MAP4K4: variants seen among roughly 807,000 people sequenced by gnomAD.
MAP4K4 encodes the protein HPK/GCK-like kinase HGK.
In MAP4K4, 38 loss-of-function variants were observed where a neutral mutation model predicts 189.6. That is an observed-to-expected ratio of 0.20 (90% CI 0.15 to 0.26). The LOEUF (loss-of-function observed/expected upper bound fraction) is 0.26, where lower values mean the gene tolerates loss of function less well. MAP4K4 is among the 10% of genes least tolerant of loss of function. The probability of loss-of-function intolerance (pLI) is 1.00; values close to 1 mark genes in which losing one functional copy is unlikely to be tolerated. For missense variants in MAP4K4, 1,054 were observed against 1,726.9 expected, an observed-to-expected ratio of 0.61 and a Z score of 6.91; for synonymous variants, 610 against 624.3, an observed-to-expected ratio of 0.98 and a Z score of 0.34.
chr2:101,744,405 C>G (rs2064231943), intron 2 of MAP4K4, among the ~76,000 whole-genome samples: 1 of 152,200 alleles, frequency 6.6e-6, no homozygotes, highest in Non-Finnish European at 1.5e-5. Flanking sequence ...TGCCCACTAG[C>G]CACATGTGGC....
chr2:101,825,437 A>G lies in MAP4K4; in HGVS notation c.417+8A>G, dbSNP rs780533321. ...TCCAGAGAAATCCTGAGGGTAAGGA[A>G]AGTGGGTGGCTACAGTGCTCCAACT... On this transcript the variant is annotated splice_region_variant and intron_variant, in intron 5 of 32. Coordinates refer to ENST00000324219, the Ensembl canonical transcript of MAP4K4. 1.1e-5 allele frequency: 18 copies of G among 1,590,574 alleles called. No homozygotes were observed. Among genetic ancestry groups the G allele is most frequent in the Middle Eastern group, 1.7e-4 (1 of 6,018 alleles).
intron 32 of MAP4K4, among the ~76,000 whole-genome samples, chr2:101,890,555 C>T (rs980478876): frequency 2.0e-5 from 3 of 152,100 alleles, no homozygotes; most frequent in African/African-American, 7.2e-5. Flanking sequence ...CTCCTGGGTG[C>T]AAGCAATTCT....
rs192439067 is a variant in MAP4K4, at chr2:101,852,208, C to T, written c.1234-3769C>T. ...TAATTAAATCTCAAGACTTCGTGCT[C>T]TTACTTGGTGATCTTGAAAAGATTG... On this transcript the variant is annotated intron_variant, in intron 12 of 32. Coordinates refer to ENST00000324219, the Ensembl canonical transcript of MAP4K4. 2.0e-5 allele frequency among the ~76,000 whole-genome samples: 3 copies of T among 151,614 alleles called. No homozygotes were observed. The East Asian group carries it at 5.8e-4, about 29-fold the overall frequency.
At position 101,839,960 on chromosome 2, in the gene MAP4K4, T is replaced by C. The variant is rs1297737145; in HGVS notation, c.915T>C (p.His305=). The C allele has an allele frequency of 1.1e-5, 17 of 1,609,556 alleles. No individual in the cohort carries two copies. The Middle Eastern group carries it at 6.6e-4, about 63-fold the overall frequency. Residue 305 remains histidine (H), a synonymous_variant, in exon 10 of 33, where the codon CAT becomes CAC. Coordinates refer to ENST00000324219, the Ensembl canonical transcript of MAP4K4. ...AAGTTAGAATCCAGCTTAAGGATCA[T>C]ATAGATCGTACCAGGAAGAAGAGAG... is the stretch of plus-strand genomic sequence containing the variant.
chr2:101,892,443 A>G lies in MAP4K4; in HGVS notation c.*1194A>G, dbSNP rs138018624. On this transcript the variant is annotated 3_prime_UTR_variant, in exon 33 of 33. Transcript: ENST00000324219. ...ATGCTTTGTTTTTACCAGATTCACC[A>G]TTAGAGGTTGATGGGGCAACTGCAG... The G allele has an allele frequency of 1.7e-3, 277 of 164,486 alleles. 2 individuals are homozygous for G. Among genetic ancestry groups the G allele is most frequent in the East Asian group, 0.011 (62 of 5,794 alleles). 10.2% of individuals were successfully genotyped at this position (164,486 alleles called of 1,614,324 possible).
In MAP4K4 at chr2:101,826,545, T is replaced by C. The variant is rs997861246; in HGVS notation, c.417+1116T>C. On this transcript the variant is annotated intron_variant, in intron 5 of 32. Coordinates refer to ENST00000324219, the Ensembl canonical transcript of MAP4K4. ...CCTAAATGTGGGAAACTAAGCTTCC[T>C]GCCCTATACTACTGTAAAGGAAGTC... 4.6e-5 allele frequency among the ~76,000 whole-genome samples: 7 copies of C among 152,182 alleles called. No individual in the cohort carries two copies. The South Asian group carries it at 1.4e-3, about 31-fold the overall frequency.
intron 2 of MAP4K4, among the ~76,000 whole-genome samples, chr2:101,738,824 A>G (rs757116973): frequency 6.6e-6 from 1 of 151,836 alleles, no homozygotes; most frequent in Non-Finnish European, 1.5e-5. Context: ...CTGCCACCAT[A>G]TTGTTGGTGA....
At chr2:101,866,224 G>A (rs2097806522) in intron 18 of MAP4K4, among the ~76,000 whole-genome samples, 1 of 152,152 alleles carries the variant, frequency 6.6e-6, no homozygotes, top group Non-Finnish European at 1.5e-5. Flanking sequence ...ATATCATTTA[G>A]CATACAAACT....
At chr2:101,850,964 C>G (rs1179070496) in intron 12 of MAP4K4, among the ~76,000 whole-genome samples, 1 of 151,998 alleles carries the variant, frequency 6.6e-6, no homozygotes, top group Non-Finnish European at 1.5e-5. Context: ...TTGGAAATAG[C>G]AGTCCAAAGA....
rs894898424 is a variant in MAP4K4 at position 101,801,039 on chromosome 2, A to T, written c.180+10263A>T. Among the ~76,000 whole-genome samples, 29 of 152,056 alleles carry T rather than the reference A, an allele frequency of 1.9e-4. 1 individual carries two copies. The highest frequency in any genetic ancestry group is 3.5e-4 in the Non-Finnish European group (24 of 67,996). Reference sequence around the variant, plus strand: ...TATAATCTAAATTGCTGTTTTTTTTAAAAAAATGGATACTGTCCTTTCACC... The same window carrying T: ...TATAATCTAAATTGCTGTTTTTTTTTAAAAAATGGATACTGTCCTTTCACC... On this transcript the variant is annotated intron_variant, in intron 3 of 32. Coordinates refer to ENST00000324219, the Ensembl canonical transcript of MAP4K4.
intron 2 of MAP4K4, among the ~76,000 whole-genome samples, chr2:101,778,028 T>C (rs1158654238): frequency 6.6e-6 from 1 of 152,212 alleles, no homozygotes; most frequent in Non-Finnish European, 1.5e-5. Flanking sequence ...CAGTGTTCTA[T>C]TTCTACCAGT....
At chr2:101,715,436 A>G (rs1190967326) in intron 2 of MAP4K4, among the ~76,000 whole-genome samples, 1 of 152,218 alleles carries the variant, frequency 6.6e-6, no homozygotes, top group Non-Finnish European at 1.5e-5. Context: ...TACTGAAGAC[A>G]CAGAAAATAA....
intron 13 of MAP4K4, 78 bp downstream of exon 13, chr2:101,856,216 A>G: frequency 1.4e-6 from 2 of 1,417,300 alleles, no homozygotes; most frequent in Non-Finnish European, 1.9e-6. Context: ...TTTAGAAAGT[A>G]TACACACATG....
chr2:101,878,608 C>T (rs1462561302), intron 27 of MAP4K4, among the ~76,000 whole-genome samples: 3 of 152,126 alleles, frequency 2.0e-5, no homozygotes, highest in South Asian at 4.1e-4. Context: ...TCACAGATAT[C>T]CTTGTAGCTT....
chr2:101,859,002 A>AC lies in MAP4K4; in HGVS notation c.1402_1403insC (p.Ile468ThrfsTer60). 6.2e-7 allele frequency: 1 copy of AC among 1,611,466 alleles called. No individual in the cohort carries two copies. Among genetic ancestry groups the AC allele is most frequent in the Non-Finnish European group, 8.5e-7 (1 of 1,178,344 alleles). ...GGTGATTTCTGTGTGACAGGAGTAT[A>AC]TCAGGCGACAGCTAGAAGAGGAGCA... On this transcript the variant is annotated frameshift_variant, in exon 14 of 33. Transcript: ENST00000324219. LOFTEE classifies it high-confidence loss of function.
chr2:101,818,757 A>G (rs1204868745), intron 3 of MAP4K4, among the ~76,000 whole-genome samples: 1 of 152,024 alleles, frequency 6.6e-6, no homozygotes, highest in Non-Finnish European at 1.5e-5. Context: ...CAAGGCAACT[A>G]AAAACTCATC....
At chr2:101,719,172 C>G (rs2050238412) in intron 2 of MAP4K4, among the ~76,000 whole-genome samples, 2 of 152,176 alleles carry the variant, frequency 1.3e-5, no homozygotes, top group African/African-American at 4.8e-5. Flanking sequence ...GGTTGCAGAT[C>G]TGGCCTCTTT....
intron 3 of MAP4K4, among the ~76,000 whole-genome samples, chr2:101,822,913 G>A (rs1234076360): frequency 1.3e-5 from 2 of 152,160 alleles, no homozygotes; most frequent in African/African-American, 4.8e-5. Flanking sequence ...CTTACACTGT[G>A]CTTTTCTGAT....
chr2:101,710,858 A>C (rs994892445), intron 2 of MAP4K4, among the ~76,000 whole-genome samples: 4 of 152,184 alleles, frequency 2.6e-5, no homozygotes, highest in African/African-American at 9.7e-5. Context: ...TACTTTGAAT[A>C]AAGATAGGAG....
Sources: allele counts gnomAD v4.1 joint callset (sites outside exome capture counted in the v4.1 genomes callset), GRCh38; gene constraint gnomAD v4.1.1; transcripts MANE v1.5; gene names NCBI Gene and HGNC (gene_info 2026-07-23, HGNC 2026-07-21).